TRRAP: variants seen among roughly 807,000 people sequenced by gnomAD.
TRRAP encodes the protein transformation/transcription domain-associated protein.
TRRAP carries 41 observed loss-of-function variants against 438.8 expected under a neutral mutation model. The ratio of observed to expected loss-of-function variants is 0.09; its 90% CI spans 0.07 to 0.12. The LOEUF is 0.12. Ranked by LOEUF, TRRAP falls within the 10% of genes least tolerant of loss-of-function variation. The probability of loss-of-function intolerance (pLI) is 1.00; values close to 1 mark genes in which losing one functional copy is unlikely to be tolerated. For synonymous variants in TRRAP, 1,994 were observed against 1,962.9 expected (o/e 1.02, Z -0.42); for missense variants, 3,122 against 5,055.1 (o/e 0.62, Z 11.60).
chr7:98,895,002 A>G (rs573070215), intron 6 of TRRAP, among the ~76,000 whole-genome samples: 9 of 152,074 alleles, frequency 5.9e-5, no homozygotes, highest in Non-Finnish European at 1.2e-4. Flanking sequence ...AATACTGTAT[A>G]TAACATCTTA....
intron 13 of TRRAP, among the ~76,000 whole-genome samples, chr7:98,906,486 A>G (rs545446733): frequency 1.3e-5 from 2 of 151,896 alleles, no homozygotes; most frequent in East Asian, 1.9e-4. Flanking sequence ...GGGCTGGAGT[A>G]TAGCAGTGCA....
In TRRAP at chr7:98,937,374, CAG is replaced by C. The variant is rs1390057897; in HGVS notation, c.4233+98_4233+99del. 4.0e-6 allele frequency: 6 copies of C among 1,486,022 alleles called. No individual in the cohort carries two copies. In the African/African-American group the frequency reaches 4.2e-5, roughly 10 times the overall value. 92.1% of individuals were successfully genotyped at this position (1,486,022 alleles called of 1,614,324 possible). A position where few individuals can be genotyped will look rare whatever the true frequency, so the allele number is the denominator to read the frequency against. On this transcript the variant is annotated intron_variant, in intron 29 of 72. Coordinates refer to ENST00000456197, the MANE Select transcript of TRRAP (RefSeq NM_001375524.1). ...TTCTTCCTGTTTATTGCTATATAAACAGTGTATGCCTAAAAGGCTTTATGCAT... is the reference window on the plus strand; with the variant it reads ...TTCTTCCTGTTTATTGCTATATAAACTGTATGCCTAAAAGGCTTTATGCAT...
intron 58 of TRRAP, among the ~76,000 whole-genome samples, chr7:98,979,393 C>T (rs1167515190): frequency 6.6e-6 from 1 of 152,178 alleles, no homozygotes; most frequent in Non-Finnish European, 1.5e-5. Flanking sequence ...CTTACAGTAC[C>T]TAATACAGTG....
chr7:98,972,059 T>C, intron 53 of TRRAP, 114 bp downstream of exon 53: 1 of 1,386,994 alleles, frequency 7.2e-7, no homozygotes, highest in Non-Finnish European at 9.6e-7. Flanking sequence ...CTTTTTCTTT[T>C]TGAGATGGGA....
intron 2 of TRRAP, chr7:98,881,508 G>T (rs2240417): frequency 0.76 from 223,024 of 291,680 alleles, 91,349 homozygotes; most frequent in South Asian, 0.88. Context: ...GGAGGCAGAG[G>T]TTGCAGTGAG....
chr7:98,892,415 T>C lies in TRRAP; in HGVS notation c.262-9T>C. ...TTTATCCTTACATTTATTTATTTTT[T>C]CTTGCCAGCAACTGCGGAAGCTCGT... On this transcript the variant is annotated splice_polypyrimidine_tract_variant and intron_variant, in intron 4 of 72. Coordinates refer to ENST00000456197, the MANE Select transcript of TRRAP (RefSeq NM_001375524.1). 2 of 1,605,856 alleles carry C rather than the reference T, an allele frequency of 1.2e-6. No homozygotes were observed. The highest frequency in any genetic ancestry group is 1.7e-6 in the Non-Finnish European group (2 of 1,174,148).
Position 98,917,394 on chromosome 7 carries a change from C to G in TRRAP, c.2366-29C>G, listed in dbSNP as rs782148424. ...GGCCCGAGTCTGGGGAGCGTCTTCC[C>G]TCTCTGATAGCTGCACCCCCTTCCC... is the stretch of plus-strand genomic sequence containing the variant. On this transcript the variant is annotated intron_variant, in intron 19 of 72. Coordinates refer to ENST00000456197, the MANE Select transcript of TRRAP (RefSeq NM_001375524.1). The G allele has an allele frequency of 1.9e-6, 3 of 1,605,126 alleles. No individual in the cohort carries two copies. The East Asian group carries it at 6.7e-5, about 36-fold the overall frequency.
intron 3 of TRRAP, among the ~76,000 whole-genome samples, chr7:98,882,472 C>T (rs1795496173): frequency 6.6e-6 from 1 of 150,832 alleles, no homozygotes; most frequent in Non-Finnish European, 1.5e-5. Context: ...AAGCAATTCT[C>T]CTGACTCAGC....
intron 27 of TRRAP, among the ~76,000 whole-genome samples, 155 bp downstream of exon 27, chr7:98,933,557 G>A (rs1336566459): frequency 6.6e-6 from 1 of 152,194 alleles, no homozygotes; most frequent in Non-Finnish European, 1.5e-5. Flanking sequence ...ACCTGAGCAG[G>A]TATGTTGCGT....
In TRRAP at chr7:99,012,234, C is replaced by G; in HGVS notation, c.11501C>G (p.Thr3834Ser). 1 of 1,614,178 alleles carries G rather than the reference C, an allele frequency of 6.2e-7. No homozygotes were observed. Among genetic ancestry groups the G allele is most frequent in the Non-Finnish European group, 8.5e-7 (1 of 1,180,040 alleles). ...LVQKAVTAIM[T>S]RLHNLAQFEG... ...CAGAAAGCCGTCACCGCCATCATGA[C>G]CCGCCTGCACAACCTCGCCCAGTTC... The change falls in exon 73 of 73, where the codon ACC becomes AGC. Residue 3834 changes from threonine (T) to serine (S), a missense_variant. Physicochemically the swap from Thr to Ser is moderately conservative, Grantham distance 58. Around this residue, in one of 24 missense-constraint regions of TRRAP, gnomAD observed 192 missense variants for 355.6 expected, o/e 0.54. Transcript: ENST00000456197. The surrounding 1 kb of genome is among the most constrained non-coding windows in gnomAD (Gnocchi z 5.9).
rs530974710 is a variant in TRRAP at position 99,008,671 on chromosome 7, C to G, written c.10938+110C>G. The G allele has an allele frequency of 5.2e-5, 61 of 1,181,080 alleles. No homozygotes were observed. In the East Asian group the frequency reaches 1.3e-3, roughly 25 times the overall value. 73.2% of individuals were successfully genotyped at this position (1,181,080 alleles called of 1,614,324 possible). On this transcript the variant is annotated intron_variant, in intron 70 of 72. Transcript: ENST00000456197. ...AGATGAACAGGCATTTGTTGGGGGC[C>G]ACCTCTGTCATTTAAAGTAACTTTA...
intron 40 of TRRAP, among the ~76,000 whole-genome samples, chr7:98,953,660 G>A (rs1036418852): frequency 6.6e-6 from 1 of 152,200 alleles, no homozygotes; most frequent in Non-Finnish European, 1.5e-5. Flanking sequence ...GGGGTGGGGA[G>A]CGAGTATTGA....
chr7:98,933,008 A>ATTT (rs10634198), intron 26 of TRRAP, among the ~76,000 whole-genome samples: 1 of 145,946 alleles, frequency 6.9e-6, no homozygotes, highest in African/African-American at 2.5e-5. Context: ...TTTGTTTTGG[A>ATTT]TTTTTTTTTT....
At chr7:98,909,965 G>C in intron 14 of TRRAP, 91 bp from the exon 15 acceptor site, 1 of 1,472,318 alleles carries the variant, frequency 6.8e-7, no homozygotes, top group Non-Finnish European at 9.0e-7. Context: ...GCTGGTGTCA[G>C]TCCCATCTTA....
Position 98,974,986 on chromosome 7 carries a change from T to G in TRRAP, c.7840-1163T>G, listed in dbSNP as rs1792586977. 2.6e-5 allele frequency among the ~76,000 whole-genome samples: 4 copies of G among 152,194 alleles called. No individual in the cohort carries two copies. In the South Asian group the frequency reaches 8.3e-4, roughly 32 times the overall value. ...CTGATCCAAACCCCCACGGTTGGAG[T>G]TGAGCAGCTTTATCAGCAGGTCAGT... On this transcript the variant is annotated intron_variant, in intron 53 of 72. Coordinates refer to ENST00000456197, the MANE Select transcript of TRRAP (RefSeq NM_001375524.1).
At chr7:98,954,542 CACAA>C (rs1475940098) in intron 40 of TRRAP, among the ~76,000 whole-genome samples, 2 of 152,216 alleles carry the variant, frequency 1.3e-5, no homozygotes, top group African/African-American at 4.8e-5. Flanking sequence ...TTGTCTCAGA[CACAA>C]ACACTCGAGA....
intron 45 of TRRAP, 39 bp downstream of exon 45, chr7:98,959,529 G>T: frequency 6.3e-7 from 1 of 1,597,288 alleles, no homozygotes; most frequent in Middle Eastern, 1.7e-4. Flanking sequence ...CAGCGCCACC[G>T]AGGCCACTAG....
chr7:98,912,272 A>G, intron 18 of TRRAP, 59 bp downstream of exon 18: 1 of 1,556,702 alleles, frequency 6.4e-7, no homozygotes. Context: ...GTTGTTAGAG[A>G]CAGGGCCTCA....
chr7:98,913,001 G>A (rs1789346188), intron 18 of TRRAP, among the ~76,000 whole-genome samples: 1 of 152,160 alleles, frequency 6.6e-6, no homozygotes, highest in Non-Finnish European at 1.5e-5. Context: ...GGCAGTGCTG[G>A]GTCTTTTGCT....
Sources: allele counts gnomAD v4.1 joint callset (sites outside exome capture counted in the v4.1 genomes callset), GRCh38; gene constraint gnomAD v4.1.1; regional missense constraint gnomAD v4.1.1; non-coding constraint Gnocchi (gnomAD v3.1); transcripts MANE v1.5; gene names NCBI Gene and HGNC (gene_info 2026-07-23, HGNC 2026-07-21).